Variants in PDE9A observed in about 807,000 individuals in gnomAD.
PDE9A encodes the protein high affinity cGMP-specific 3',5'-cyclic phosphodiesterase 9A.
A neutral mutation model predicts 87.4 loss-of-function variants in PDE9A; 60 were observed. That is an observed-to-expected ratio of 0.69 (90% confidence interval 0.56 to 0.85). PDE9A has a LOEUF of 0.85. Ranked by LOEUF, PDE9A falls within the 40% of genes least tolerant of loss-of-function variation. The pLI, the probability that PDE9A is intolerant of heterozygous loss-of-function variation, is 0.00. For missense variants in PDE9A, 665 were observed against 779.0 expected (o/e 0.85, Z 1.74); for synonymous variants, 272 against 279.4 (o/e 0.97, Z 0.27).
At chr21:42,761,885 T>TG (rs112211427) in intron 13 of PDE9A, among the ~76,000 whole-genome samples, 198 bp from the exon 14 acceptor site, 7,311 of 152,174 alleles carry the variant, frequency 0.048, 577 homozygotes, top group African/African-American at 0.17. Flanking sequence ...TGCAGGAGCA[T>TG]GGGGACGTGC....
chr21:42,747,862 G>C (rs1386211899), intron 8 of PDE9A, among the ~76,000 whole-genome samples: 1 of 152,248 alleles, frequency 6.6e-6, no homozygotes, highest in Non-Finnish European at 1.5e-5. Context: ...CCCCAGAGAA[G>C]GGGGATGGGG....
intron 1 of PDE9A, among the ~76,000 whole-genome samples, chr21:42,671,198 TG>T (rs770520256): frequency 6.6e-6 from 1 of 151,984 alleles, no homozygotes; most frequent in Non-Finnish European, 1.5e-5. Flanking sequence ...AGGGGAGGCG[TG>T]GGGACAGGTG....
intron 4 of PDE9A, among the ~76,000 whole-genome samples, chr21:42,726,616 A>ATTTTTT (rs1569207357): frequency 3.0e-4 from 7 of 23,164 alleles, no homozygotes; most frequent in African/African-American, 2.3e-3. Context: ...ATATATATAT[A>ATTTTTT]TATATATATT....
intron 1 of PDE9A, among the ~76,000 whole-genome samples, chr21:42,664,753 C>T (rs1355491661): frequency 1.3e-5 from 2 of 152,212 alleles, no homozygotes; most frequent in Middle Eastern, 3.2e-3. Flanking sequence ...CTTCACTCAC[C>T]ACTCTTATCT....
At chr21:42,725,202 C>G (rs943407633) in intron 4 of PDE9A, among the ~76,000 whole-genome samples, 3 of 152,144 alleles carry the variant, frequency 2.0e-5, no homozygotes, top group Non-Finnish European at 4.4e-5. Context: ...ATCCCTGTCC[C>G]CTGGCAACCA....
intron 1 of PDE9A, among the ~76,000 whole-genome samples, chr21:42,670,743 ACACATACACTCACATTCACACG>A (rs1396095506): frequency 1.4e-5 from 2 of 145,096 alleles, no homozygotes; most frequent in Admixed American, 6.8e-5. Context: ...CCACATTCAC[ACACATACACTCACATTCACACG>A]CACATACACT....
intron 4 of PDE9A, among the ~76,000 whole-genome samples, chr21:42,701,587 C>A (rs758658391): frequency 6.6e-6 from 1 of 152,096 alleles, no homozygotes; most frequent in Non-Finnish European, 1.5e-5. Flanking sequence ...TAGGCACACA[C>A]CACCATGCCC....
At chr21:42,665,222 T>A (rs1360778425) in intron 1 of PDE9A, among the ~76,000 whole-genome samples, 2 of 152,204 alleles carry the variant, frequency 1.3e-5, no homozygotes, top group African/African-American at 4.8e-5. Flanking sequence ...CCTGGAGTCC[T>A]GGGAAGGAGC....
intron 1 of PDE9A, among the ~76,000 whole-genome samples, chr21:42,674,577 C>A (rs1292765695): frequency 6.6e-6 from 1 of 152,094 alleles, no homozygotes; most frequent in African/African-American, 2.4e-5. Flanking sequence ...ACCAGGGAGG[C>A]CTCTCCCCTT....
intron 1 of PDE9A, among the ~76,000 whole-genome samples, chr21:42,683,614 G>C (rs548111689): frequency 8.5e-4 from 129 of 152,326 alleles, no homozygotes; most frequent in African/African-American, 2.8e-3. Flanking sequence ...AGATGGAGAA[G>C]CCCCAGGCCC....
rs139707440 is a variant in PDE9A at position 42,683,909 on chromosome 21, G to A, written c.70-2283G>A. On this transcript the variant is annotated intron_variant, in intron 1 of 19. Transcript: ENST00000291539. Reference sequence around the variant, plus strand: ...CAGGAGGAGAAGCACCCAGTGGGGCGGGGTGGGGCGAGGACTTTATAAAGG... The same window carrying A: ...CAGGAGGAGAAGCACCCAGTGGGGCAGGGTGGGGCGAGGACTTTATAAAGG... Among the ~76,000 whole-genome samples the A allele has an allele frequency of 2.7e-3, 416 of 152,290 alleles. 1 individual carries two copies. The highest frequency in any genetic ancestry group is 9.5e-3 in the African/African-American group (395 of 41,558).
intron 4 of PDE9A, among the ~76,000 whole-genome samples, chr21:42,712,415 T>C (rs2049436052): frequency 6.6e-6 from 1 of 152,230 alleles, no homozygotes; most frequent in South Asian, 2.1e-4. Flanking sequence ...TTCTAGTTGT[T>C]GTTTTATAGG....
At chr21:42,774,817 G>A (rs1449347927) in intron 19 of PDE9A, among the ~76,000 whole-genome samples, 2 of 147,242 alleles carry the variant, frequency 1.4e-5, no homozygotes, top group Non-Finnish European at 3.0e-5. Flanking sequence ...AGGAGGCGGA[G>A]GTTGCAGTGA....
intron 7 of PDE9A, among the ~76,000 whole-genome samples, chr21:42,738,548 A>C: frequency 6.6e-6 from 1 of 151,278 alleles, no homozygotes; most frequent in Admixed American, 6.6e-5. Context: ...GCTCTCTCTG[A>C]CCCCCAGCTC....
At chr21:42,662,779 ACACACACACACCAAG>A (rs1243213995) in intron 1 of PDE9A, among the ~76,000 whole-genome samples, 23 of 109,284 alleles carry the variant, frequency 2.1e-4, no homozygotes, top group African/African-American at 1.0e-3. Context: ...GACACACACC[ACACACACACACCAAG>A]CACACACACA....
Position 42,753,902 on chromosome 21 carries a change from C to T in PDE9A, c.736-88C>T, listed in dbSNP as rs552989981. ...AAGAAAGAAAGAAAAAGAAAGAGAACGGGAGAAAGAGGAGAAATATCTCAG... is the reference window on the plus strand; with the variant it reads ...AAGAAAGAAAGAAAAAGAAAGAGAATGGGAGAAAGAGGAGAAATATCTCAG... On this transcript the variant is annotated intron_variant, in intron 9 of 19. Coordinates refer to ENST00000291539, the MANE Select transcript of PDE9A (RefSeq NM_002606.3). 43 of 642,378 alleles carry T rather than the reference C, an allele frequency of 6.7e-5. No homozygotes were observed. In the Middle Eastern group the frequency reaches 1.0e-3, roughly 15 times the overall value. 39.8% of individuals were successfully genotyped at this position (642,378 alleles called of 1,614,324 possible). A position where few individuals can be genotyped will look rare whatever the true frequency, so the allele number is the denominator to read the frequency against.
At position 42,758,990 on chromosome 21, in the gene PDE9A, T is replaced by C; in HGVS notation, c.811-9T>C. On this transcript the variant is annotated splice_polypyrimidine_tract_variant and intron_variant, in intron 10 of 19. Transcript: ENST00000291539. Reference sequence around the variant, plus strand: ...CTGCCCAGTGCCTATCCTTCTCCTGTGCCCACAGATGCTGAGCTGCCTGGA... The same window carrying C: ...CTGCCCAGTGCCTATCCTTCTCCTGCGCCCACAGATGCTGAGCTGCCTGGA... 3 of 1,611,322 alleles carry C rather than the reference T, an allele frequency of 1.9e-6. No homozygotes were observed. Among genetic ancestry groups the C allele is most frequent in the Non-Finnish European group, 8.5e-7 (1 of 1,177,472 alleles).
intron 3 of PDE9A, among the ~76,000 whole-genome samples, chr21:42,690,564 G>A (rs555542397): frequency 6.6e-6 from 1 of 152,002 alleles, no homozygotes; most frequent in Non-Finnish European, 1.5e-5. Flanking sequence ...GTGCTGAGAT[G>A]TGGCTGTATT....
chr21:42,772,679 G>A (rs534408656), intron 19 of PDE9A, among the ~76,000 whole-genome samples, 159 bp downstream of exon 19: 2 of 151,888 alleles, frequency 1.3e-5, no homozygotes, highest in Non-Finnish European at 2.9e-5. Context: ...TGTTGCCCAG[G>A]TTGGAGTGCG....
Sources: gnomAD v4.1 joint callset for allele counts (sites outside exome capture counted in the v4.1 genomes callset) on GRCh38, gnomAD v4.1.1 for gene constraint, MANE v1.5 for transcripts, NCBI Gene and HGNC (gene_info 2026-07-23, HGNC 2026-07-21) for gene names.